Variants in PDCD11 observed in about 807,000 individuals in gnomAD.
PDCD11 encodes the protein protein RRP5 homolog.
Under a neutral mutation model 198.9 loss-of-function variants are expected in PDCD11, and 97 were observed. That is an observed-to-expected ratio of 0.49 (90% CI 0.41 to 0.58). The LOEUF (loss-of-function observed/expected upper bound fraction) is 0.58, where lower values mean the gene tolerates loss of function less well. Among genes scored for constraint, PDCD11 ranks in the 20% least tolerant of loss-of-function variants. The pLI is 0.00. For missense variants in PDCD11, 2,102 were observed against 2,312.7 expected (o/e 0.91, Z 1.87); for synonymous variants, 893 against 918.0 (o/e 0.97, Z 0.49).
rs559125791 is a variant in PDCD11, at chr10:103,438,822, G to T, written c.4025+14G>T. 2 of 1,613,352 alleles carry T rather than the reference G, an allele frequency of 1.2e-6. No individual in the cohort carries two copies. The highest frequency in any genetic ancestry group is 1.1e-5 in the South Asian group (1 of 91,046). On this transcript the variant is annotated intron_variant, in intron 27 of 35. Transcript: ENST00000369797. ...TGTGTTCTTTCGGTGAGTGAGGGGG[G>T]CTCTGCACCCGGACCCAAGTGCCTT...
chr10:103,442,002 T>C (rs1355561975), intron 31 of PDCD11, 27 bp downstream of exon 31: 1 of 1,612,654 alleles, frequency 6.2e-7, no homozygotes, highest in Non-Finnish European at 8.5e-7. Context: ...GGCATGTCCT[T>C]TTTGCAGGGA....
chr10:103,418,765 C>T lies in PDCD11; in HGVS notation c.2106+131C>T, dbSNP rs1035046233. On this transcript the variant is annotated intron_variant, in intron 15 of 35. Transcript: ENST00000369797. ...CCACAAAACCAAACCAGTGATGAAG[C>T]CTGTGCTATGGAAAGTAAGAGCAGG... 4.0e-6 allele frequency: 3 copies of T among 742,680 alleles called. No individual in the cohort carries two copies. The South Asian group carries it at 5.4e-5, about 13-fold the overall frequency. The allele number at this position is 742,680 out of a possible 1,614,324, so 46.0% of individuals were successfully genotyped here.
intron 21 of PDCD11, 121 bp from the exon 22 acceptor site, chr10:103,432,008 G>A: frequency 1.4e-6 from 1 of 710,472 alleles, no homozygotes; most frequent in Non-Finnish European, 2.6e-6. Flanking sequence ...CGGCCTTGGA[G>A]GGTGAGTATG....
At chr10:103,445,315 G>A in intron 35 of PDCD11, 63 bp from the exon 36 acceptor site, 1 of 1,535,296 alleles carries the variant, frequency 6.5e-7, no homozygotes, top group Non-Finnish European at 9.0e-7. Context: ...GTGGGTGAGT[G>A]CTAGGCAGGA....
chr10:103,402,129 CT>C (rs1343555792), intron 3 of PDCD11, among the ~76,000 whole-genome samples: 4 of 152,172 alleles, frequency 2.6e-5, no homozygotes, highest in African/African-American at 9.7e-5. Flanking sequence ...CCCGTATTCC[CT>C]CATGTTTGTA....
intron 17 of PDCD11, among the ~76,000 whole-genome samples, chr10:103,422,385 T>C (rs1204588290): frequency 6.6e-6 from 1 of 151,686 alleles, no homozygotes; most frequent in Non-Finnish European, 1.5e-5. Context: ...CCGGCCAAAG[T>C]GCACAGTTAT....
At chr10:103,407,907 C>T (rs2133685478) in intron 7 of PDCD11, among the ~76,000 whole-genome samples, 1 of 152,002 alleles carries the variant, frequency 6.6e-6, no homozygotes, top group South Asian at 2.1e-4. Context: ...TTAGTAGAGA[C>T]AGGGTTTCAC....
At chr10:103,398,844 C>T (rs1054971083) in intron 2 of PDCD11, among the ~76,000 whole-genome samples, 3 of 152,068 alleles carry the variant, frequency 2.0e-5, no homozygotes, top group Non-Finnish European at 4.4e-5. Flanking sequence ...CATGGTGAAA[C>T]CCCGTCTATA....
At chr10:103,409,275 T>A (rs2030648753) in intron 7 of PDCD11, among the ~76,000 whole-genome samples, 1 of 152,140 alleles carries the variant, frequency 6.6e-6, no homozygotes, top group African/African-American at 2.4e-5. Context: ...AAGGGTGACT[T>A]GGCTTGCTTG....
chr10:103,434,671 G>T, intron 24 of PDCD11, 127 bp from the exon 25 acceptor site: 1 of 706,068 alleles, frequency 1.4e-6, no homozygotes. Context: ...AGATGGTTCT[G>T]GATCACTCAG....
At chr10:103,442,886 C>T (rs1564780314) in intron 32 of PDCD11, among the ~76,000 whole-genome samples, 4 of 152,212 alleles carry the variant, frequency 2.6e-5, no homozygotes, top group African/African-American at 9.7e-5. Flanking sequence ...ACTCTGCGTC[C>T]AGCCCAAACC....
At chr10:103,441,677 TG>T in intron 30 of PDCD11, 148 bp from the exon 31 acceptor site, 1 of 678,724 alleles carries the variant, frequency 1.5e-6, no homozygotes, top group Non-Finnish European at 2.6e-6. Context: ...CCCAGTGGGC[TG>T]GGGCCTGGCA....
chr10:103,441,399 C>T (rs547984235), intron 30 of PDCD11, among the ~76,000 whole-genome samples: 8 of 152,168 alleles, frequency 5.3e-5, no homozygotes, highest in Middle Eastern at 3.4e-3. Context: ...CTGAGACTGC[C>T]GGTATGCACC....
At chr10:103,435,974 A>G (rs1367088730) in intron 25 of PDCD11, among the ~76,000 whole-genome samples, 1 of 151,022 alleles carries the variant, frequency 6.6e-6, no homozygotes, top group Non-Finnish European at 1.5e-5. Flanking sequence ...GGCACTGGAT[A>G]TTTTAAATTT....
At chr10:103,442,000 C>T in intron 31 of PDCD11, 25 bp downstream of exon 31, 1 of 1,612,882 alleles carries the variant, frequency 6.2e-7, no homozygotes, top group Non-Finnish European at 8.5e-7. Context: ...AGGGCATGTC[C>T]TTTTTGCAGG....
In PDCD11 at chr10:103,441,898, G is replaced by T; in HGVS notation, c.4630G>T (p.Asp1544Tyr). The T allele has an allele frequency of 4.3e-6, 7 of 1,614,218 alleles. No homozygotes were observed. The highest frequency in any genetic ancestry group is 5.9e-6 in the Non-Finnish European group (7 of 1,180,022). Residue 1544 changes from aspartate to tyrosine, a missense_variant, in exon 31 of 36, where the codon GAC (aspartate) becomes TAC (tyrosine). Transcript: ENST00000369797. ...AGGCTTCGCTTGGAATGTGGGACTAGACTCTCTGACCCCGGCCTTGCCACC... is the reference window on the plus strand; with the variant it reads ...AGGCTTCGCTTGGAATGTGGGACTATACTCTCTGACCCCGGCCTTGCCACC... Reference protein sequence around the residue: ...SSGFAWNVGLDSLTPALPPLA... With the variant: ...SSGFAWNVGLYSLTPALPPLA...
At chr10:103,408,008 C>T (rs1386302849) in intron 7 of PDCD11, among the ~76,000 whole-genome samples, 3 of 152,132 alleles carry the variant, frequency 2.0e-5, no homozygotes, top group Admixed American at 6.5e-5. Flanking sequence ...TGTGAGCCAC[C>T]ACACCTGGCC....
At chr10:103,442,949 C>T (rs1334291042) in intron 32 of PDCD11, among the ~76,000 whole-genome samples, 3 of 152,148 alleles carry the variant, frequency 2.0e-5, no homozygotes, top group Non-Finnish European at 4.4e-5. Flanking sequence ...GAGGCAGAAT[C>T]CAGGAGAGCC....
At position 103,419,663 on chromosome 10, in the gene PDCD11, G is replaced by A; in HGVS notation, c.2232G>A (p.Val744=). 1 of 1,614,106 alleles carries A rather than the reference G, an allele frequency of 6.2e-7. No individual in the cohort carries two copies. The highest frequency in any genetic ancestry group is 8.5e-7 in the Non-Finnish European group (1 of 1,180,004). The change falls in exon 16 of 36, where the codon GTG becomes GTA. Residue 744 remains valine (V), a synonymous_variant. Coordinates refer to ENST00000369797, the MANE Select transcript of PDCD11 (RefSeq NM_014976.2). ...GFVKSIKDYG[V]FIQFPSGLSG... ...TGAAGAGCATCAAGGACTATGGCGT[G>A]TTCATCCAGTTCCCCTCAGGTCTTA...
Sources: allele counts gnomAD v4.1 joint callset (sites outside exome capture counted in the v4.1 genomes callset), GRCh38; gene constraint gnomAD v4.1.1; transcripts MANE v1.5; gene names NCBI Gene and HGNC (gene_info 2026-07-23, HGNC 2026-07-21).